The following TNRC6C variants were observed in gnomAD, a reference collection of about 807,000 sequenced individuals.
The protein encoded by TNRC6C is trinucleotide repeat-containing gene 6C protein.
A neutral mutation model predicts 153.7 loss-of-function variants in TNRC6C; 20 were observed. That is an observed-to-expected ratio of 0.13 (90% CI 0.09 to 0.19). The LOEUF (loss-of-function observed/expected upper bound fraction) is 0.19. Among genes scored for constraint, TNRC6C ranks in the 10% least tolerant of loss-of-function variants. The probability of loss-of-function intolerance (pLI) is 1.00; values close to 1 mark genes in which losing one functional copy is unlikely to be tolerated. For missense variants in TNRC6C, 1,987 were observed against 2,172.0 expected, an observed-to-expected ratio of 0.91 and a Z score of 1.69; for synonymous variants, 811 against 841.4, an observed-to-expected ratio of 0.96 and a Z score of 0.63.
chr17:77,985,177 T>A (rs570045846), intron 1 of TNRC6C, among the ~76,000 whole-genome samples: 1 of 152,360 alleles, frequency 6.6e-6, no homozygotes, highest in Non-Finnish European at 1.5e-5. Flanking sequence ...TGTTACTTCA[T>A]AAGTCCTTCA....
At chr17:78,010,958 G>T (rs2071617888) in intron 1 of TNRC6C, among the ~76,000 whole-genome samples, 1 of 152,212 alleles carries the variant, frequency 6.6e-6, no homozygotes, top group South Asian at 2.1e-4. Context: ...AAGGAAGCGG[G>T]GCGCTGTGCT....
chr17:77,969,076 C>T (rs1457738908), intron 1 of TNRC6C, among the ~76,000 whole-genome samples: 2 of 152,126 alleles, frequency 1.3e-5, no homozygotes, highest in South Asian at 2.1e-4. Flanking sequence ...TGAGTGCCTA[C>T]CATGTGCCAA....
At chr17:78,103,651 C>A in intron 19 of TNRC6C, 98 bp downstream of exon 22, 1 of 1,500,088 alleles carries the variant, frequency 6.7e-7, no homozygotes, top group Non-Finnish European at 9.0e-7. Flanking sequence ...GCCACCATAG[C>A]AGAATCCCAC....
At position 78,031,849 on chromosome 17, in the gene TNRC6C, A is replaced by G. The variant is rs1246858795; in HGVS notation, c.-219+7A>G. ...CCCAGTAAGCTCCAACCAGGTAAAA[A>G]CCACATAGGATGAGACATTGTTTTG... On this transcript the variant is annotated splice_region_variant and intron_variant, in intron 2 of 19. Transcript: ENST00000301624. The G allele has an allele frequency of 1.9e-5, 24 of 1,232,114 alleles. No individual in the cohort carries two copies. The highest frequency in any genetic ancestry group is 2.4e-5 in the Non-Finnish European group (24 of 987,992). The allele number at this position is 1,232,114 out of a possible 1,614,324, so 76.3% of individuals were successfully genotyped here. A position where few individuals can be genotyped will look rare whatever the true frequency, so the allele number is the denominator to read the frequency against.
chr17:78,104,089 G>C lies in TNRC6C; in HGVS notation c.4713-396G>C, dbSNP rs550847049. The stretch of plus-strand genomic sequence containing the variant: ...ACACATTCCTACACAGGGCCCAGCA[G>C]TGGTCCTCACAGCCAACCCTTCACC... On this transcript the variant is annotated intron_variant, in intron 19 of 19. Coordinates refer to ENST00000301624, the Ensembl canonical transcript of TNRC6C. The surrounding 1 kb of genome is among the most constrained non-coding windows in gnomAD (Gnocchi z 6.2). Among the ~76,000 whole-genome samples the C allele has an allele frequency of 4.6e-4, 70 of 152,318 alleles. No homozygotes were observed. In the South Asian group the frequency reaches 0.014, roughly 30 times the overall value.
intron 13 of TNRC6C, among the ~76,000 whole-genome samples, chr17:78,087,756 A>G (rs1320594107): frequency 6.6e-6 from 1 of 152,218 alleles, no homozygotes; most frequent in Non-Finnish European, 1.5e-5. Context: ...AATCGACCAA[A>G]TCAACATATA....
intron 1 of TNRC6C, among the ~76,000 whole-genome samples, chr17:77,991,061 A>G (rs1189596012): frequency 2.0e-5 from 3 of 152,204 alleles, no homozygotes; most frequent in African/African-American, 7.2e-5. Context: ...AAAAGTTCGT[A>G]TTTTATAACA....
rs751688880 is a variant in TNRC6C at position 78,079,994 on chromosome 17, A to G, written c.3357+453A>G. On this transcript the variant is annotated intron_variant, in intron 10 of 19. Transcript: ENST00000301624. This position sits in a 1 kb window ranked among gnomAD's most constrained non-coding sequence, Gnocchi z 4.3. ...CTTAGAAGCAGCCAAGGACTGAATC[A>G]TGCTTTAATGAGAAACTAAATGTGA... 6.6e-6 allele frequency among the ~76,000 whole-genome samples: 1 copy of G among 152,262 alleles called. No individual in the cohort carries two copies. Among genetic ancestry groups the G allele is most frequent in the Non-Finnish European group, 1.5e-5 (1 of 68,050 alleles).
rs371710039 is a variant in TNRC6C, at chr17:78,100,178, A to C, written c.4501+1641A>C. Among the ~76,000 whole-genome samples, 41 of 152,216 alleles carry C rather than the reference A, an allele frequency of 2.7e-4. No individual in the cohort carries two copies. The East Asian group carries it at 7.2e-3, about 27-fold the overall frequency. ...GGCACACGGTGCAAGCTGTCAGTGG[A>C]TCTACCATTCTGGGGTCTAGAGGAC... On this transcript the variant is annotated intron_variant, in intron 17 of 19. Coordinates refer to ENST00000301624, the Ensembl canonical transcript of TNRC6C.
At chr17:78,035,932 C>T (rs2072169650) in intron 2 of TNRC6C, among the ~76,000 whole-genome samples, 1 of 152,102 alleles carries the variant, frequency 6.6e-6, no homozygotes, top group African/African-American at 2.4e-5. Flanking sequence ...TTTAATCTGT[C>T]ACTTTAATGT....
intron 1 of TNRC6C, among the ~76,000 whole-genome samples, chr17:77,968,878 CCT>C (rs935631838): frequency 6.6e-5 from 10 of 152,200 alleles, no homozygotes; most frequent in African/African-American, 1.2e-4. Context: ...ACCTTTCCCC[CCT>C]GTTTTCCCAC....
intron 3 of TNRC6C, among the ~76,000 whole-genome samples, chr17:78,054,550 C>G (rs113356418): frequency 6.6e-6 from 1 of 151,514 alleles, no homozygotes; most frequent in African/African-American, 2.4e-5. Context: ...CACTGTACAT[C>G]ACTGTGGACT....
intron 1 of TNRC6C, among the ~76,000 whole-genome samples, chr17:77,985,601 C>CA (rs1229331703): frequency 0.011 from 1,101 of 96,036 alleles, 18 homozygotes; most frequent in Admixed American, 0.024. Flanking sequence ...GACTCCGTCT[C>CA]AAAAAAAAAA....
intron 13 of TNRC6C, among the ~76,000 whole-genome samples, chr17:78,090,917 A>G (rs909990052): frequency 6.6e-6 from 1 of 152,222 alleles, no homozygotes; most frequent in African/African-American, 2.4e-5. Flanking sequence ...GAGTTCTGGA[A>G]AAGTGTTTTT....
At chr17:77,994,284 A>G (rs1403721271) in intron 1 of TNRC6C, among the ~76,000 whole-genome samples, 1 of 152,208 alleles carries the variant, frequency 6.6e-6, no homozygotes, top group Non-Finnish European at 1.5e-5. Context: ...TTATTCTCAC[A>G]TGCAAGCCCT....
intron 6 of TNRC6C, 85 bp from the exon 9 acceptor site, chr17:78,072,951 CT>C: frequency 1.0e-6 from 1 of 974,938 alleles, no homozygotes; most frequent in Non-Finnish European, 1.6e-6. Context: ...ATAACTATGT[CT>C]TTAAGTTGAT....
Position 78,049,335 on chromosome 17 carries a change from C to T in TNRC6C, c.273C>T (p.Asn91=). The T allele has an allele frequency of 6.2e-7, 1 of 1,614,038 alleles. No individual in the cohort carries two copies. ...GTCAGAATTGCTGGGGTGCTTCCAA[C>T]TCCAATGCTGGCATTAATCTTAACC... is the stretch of plus-strand genomic sequence containing the variant. The change falls in exon 3 of 20, where the codon AAC becomes AAT. Residue 91 remains asparagine, a synonymous_variant. Transcript: ENST00000301624. This position sits in a 1 kb window ranked among gnomAD's most constrained non-coding sequence, Gnocchi z 4.1.
chr17:78,043,573 A>G (rs2143893909), intron 2 of TNRC6C, among the ~76,000 whole-genome samples: 1 of 152,304 alleles, frequency 6.6e-6, no homozygotes, highest in Middle Eastern at 3.4e-3. Context: ...TTGTGTTACA[A>G]ATAATCCTAT....
chr17:78,073,171 A>G (rs1358375016), intron 7 of TNRC6C, 77 bp downstream of exon 9: 9 of 1,258,252 alleles, frequency 7.2e-6, no homozygotes, highest in East Asian at 5.1e-5. Flanking sequence ...GATTGTAGTC[A>G]TGGTTTAATG....
Sources: gnomAD v4.1 joint callset for allele counts (sites outside exome capture counted in the v4.1 genomes callset) on GRCh38, gnomAD v4.1.1 for gene constraint, Gnocchi (gnomAD v3.1) non-coding constraint, MANE v1.5 for transcripts, NCBI Gene and HGNC (gene_info 2026-07-23, HGNC 2026-07-21) for gene names.